The following KCNIP4 variants were observed in gnomAD, a reference collection of about 807,000 sequenced individuals.
KCNIP4 encodes Kv channel-interacting protein 4.
Under a neutral mutation model 34.0 loss-of-function variants are expected in KCNIP4, and 12 were observed. That is an observed-to-expected ratio of 0.35 (90% CI 0.23 to 0.57). The LOEUF (loss-of-function observed/expected upper bound fraction) is 0.57, where lower values mean the gene tolerates loss of function less well. Among genes scored for constraint, KCNIP4 ranks in the 20% least tolerant of loss-of-function variants. KCNIP4 has a pLI of 0.83. For missense variants in KCNIP4, 238 were observed against 311.7 expected (o/e 0.76, Z 1.78); for synonymous variants, 124 against 102.2 (o/e 1.21, Z -1.29).
At chr4:21,782,096 C>G (rs1719611021) in intron 1 of KCNIP4, among the ~76,000 whole-genome samples, 3 of 152,000 alleles carry the variant, frequency 2.0e-5, no homozygotes, top group Admixed American at 6.6e-5. Flanking sequence ...TAAGCACTAA[C>G]AAGCATAACA....
chr4:21,802,141 A>C (rs1721040085), intron 1 of KCNIP4, among the ~76,000 whole-genome samples: 1 of 152,094 alleles, frequency 6.6e-6, no homozygotes, highest in South Asian at 2.1e-4. Flanking sequence ...TGCCTGTCTT[A>C]CAAATCAAAA....
At chr4:21,625,213 AT>A (rs895999093) in intron 1 of KCNIP4, among the ~76,000 whole-genome samples, 1 of 152,050 alleles carries the variant, frequency 6.6e-6, no homozygotes, top group Non-Finnish European at 1.5e-5. Flanking sequence ...CTACTTAACT[AT>A]TTTTTACCTC....
chr4:21,803,221 CCTCT>C (rs1721104856), intron 1 of KCNIP4, among the ~76,000 whole-genome samples: 1 of 152,110 alleles, frequency 6.6e-6, no homozygotes, highest in African/African-American at 2.4e-5. Context: ...AGAACACCTC[CCTCT>C]ATCTCCCACT....
chr4:21,419,849 T>G (rs1042500375), intron 1 of KCNIP4, among the ~76,000 whole-genome samples: 1 of 152,178 alleles, frequency 6.6e-6, no homozygotes, highest in African/African-American at 2.4e-5. Flanking sequence ...TCCCAGTCCA[T>G]GCAGAAATTG....
At chr4:21,042,831 A>G (rs764149960) in intron 1 of KCNIP4, among the ~76,000 whole-genome samples, 2 of 152,156 alleles carry the variant, frequency 1.3e-5, no homozygotes, top group Non-Finnish European at 2.9e-5. Flanking sequence ...AAGCAAAAGG[A>G]AGGTGAGAAT....
chr4:21,507,681 A>G (rs536712635), intron 1 of KCNIP4, among the ~76,000 whole-genome samples: 1 of 152,196 alleles, frequency 6.6e-6, no homozygotes, highest in Non-Finnish European at 1.5e-5. Context: ...AAAGTTCTTA[A>G]AATGATGCAG....
chr4:21,863,425 T>C (rs1475971072), intron 1 of KCNIP4, among the ~76,000 whole-genome samples: 4 of 152,310 alleles, frequency 2.6e-5, no homozygotes, highest in Non-Finnish European at 1.5e-5. Context: ...CTGTCAAATA[T>C]GTACTATCCC....
intron 1 of KCNIP4, among the ~76,000 whole-genome samples, chr4:21,208,971 A>G (rs1049672307): frequency 3.3e-5 from 5 of 152,154 alleles, no homozygotes; most frequent in African/African-American, 1.2e-4. Flanking sequence ...TAAAGAGAAC[A>G]GCATGGGGGA....
chr4:21,776,707 C>G (rs1362583609), intron 1 of KCNIP4, among the ~76,000 whole-genome samples: 2 of 152,072 alleles, frequency 1.3e-5, no homozygotes, highest in African/African-American at 2.4e-5. Context: ...GTGATTGGAT[C>G]ATGGGGACAG....
chr4:21,084,073 T>G (rs1489703254), intron 1 of KCNIP4, among the ~76,000 whole-genome samples: 1 of 151,910 alleles, frequency 6.6e-6, no homozygotes, highest in East Asian at 1.9e-4. Flanking sequence ...ATCAACCTGC[T>G]TCTGCTGTGG....
intron 1 of KCNIP4, among the ~76,000 whole-genome samples, chr4:20,887,994 A>G (rs1056479303): frequency 1.3e-5 from 2 of 152,100 alleles, no homozygotes; most frequent in African/African-American, 4.8e-5. Flanking sequence ...TACATTTTAC[A>G]TGAAGTGGTA....
intron 1 of KCNIP4, among the ~76,000 whole-genome samples, chr4:21,009,163 T>C (rs1738840115): frequency 1.3e-5 from 2 of 152,190 alleles, no homozygotes; most frequent in East Asian, 1.9e-4. Flanking sequence ...AAGACAAATA[T>C]ACACACACTA....
intron 1 of KCNIP4, among the ~76,000 whole-genome samples, chr4:20,908,375 G>C (rs1307406280): frequency 6.6e-6 from 1 of 152,178 alleles, no homozygotes; most frequent in South Asian, 2.1e-4. Flanking sequence ...GATTACAGGC[G>C]TGAACCACCG....
intron 1 of KCNIP4, among the ~76,000 whole-genome samples, chr4:21,047,692 A>G (rs546823702): frequency 1.4e-4 from 21 of 152,286 alleles, no homozygotes; most frequent in African/African-American, 4.8e-4. Context: ...TGTTTTGTCA[A>G]TCCAATCTAA....
At chr4:21,247,787 T>C (rs1176965265) in intron 1 of KCNIP4, among the ~76,000 whole-genome samples, 9 of 97,970 alleles carry the variant, frequency 9.2e-5, no homozygotes, top group Non-Finnish European at 1.7e-4. Flanking sequence ...TTTATATATA[T>C]ACACCACAGG....
intron 3 of KCNIP4, among the ~76,000 whole-genome samples, chr4:20,833,812 G>T (rs550394097): frequency 3.9e-5 from 6 of 152,238 alleles, no homozygotes; most frequent in Admixed American, 1.3e-4. Flanking sequence ...TAGACTCCGT[G>T]CTCATTTTTA....
At position 21,948,574 on chromosome 4, in the gene KCNIP4, C is replaced by T. The variant is rs1170830864; in HGVS notation, c.58G>A (p.Gly20Ser). ...SAQLEEASSTGGFLYAQNSTK... is the reference protein window; with the variant it reads ...SAQLEEASSTSGFLYAQNSTK... Reference sequence around the variant, plus strand: ...TCGCAAGCTTATTGCATCCTACCGCCTGTAGAGCTGGCCTCCTCCAGCTGA... The same window carrying T: ...TCGCAAGCTTATTGCATCCTACCGCTTGTAGAGCTGGCCTCCTCCAGCTGA... The change falls in exon 1 of 9, where the codon GGC (glycine) becomes AGC (serine). Residue 20 changes from glycine to serine, a missense_variant. Physicochemically the swap from Gly to Ser is moderately conservative, Grantham distance 56. Coordinates refer to ENST00000382152, the MANE Select transcript of KCNIP4 (RefSeq NM_025221.6). 3 of 1,613,540 alleles carry T rather than the reference C, an allele frequency of 1.9e-6. No individual in the cohort carries two copies. Among genetic ancestry groups the T allele is most frequent in the Non-Finnish European group, 1.7e-6 (2 of 1,179,744 alleles).
chr4:21,635,136 T>C (rs1746042279), intron 1 of KCNIP4, among the ~76,000 whole-genome samples: 1 of 152,196 alleles, frequency 6.6e-6, no homozygotes, highest in African/African-American at 2.4e-5. Flanking sequence ...ATTGGTACCC[T>C]GACCCAACGA....
At chr4:21,661,110 A>C (rs1748416566) in intron 1 of KCNIP4, among the ~76,000 whole-genome samples, 1 of 152,154 alleles carries the variant, frequency 6.6e-6, no homozygotes, top group Admixed American at 6.5e-5. Flanking sequence ...CATCAAGAGA[A>C]GTTCTTCTGG....
Sources: allele counts gnomAD v4.1 joint callset (sites outside exome capture counted in the v4.1 genomes callset), GRCh38; gene constraint gnomAD v4.1.1; transcripts MANE v1.5; gene names NCBI Gene and HGNC (gene_info 2026-07-23, HGNC 2026-07-21).